The following KCNB2 variants were observed in gnomAD, a reference collection of about 807,000 sequenced individuals.
KCNB2 encodes potassium voltage-gated channel subfamily B member 2.
A neutral mutation model predicts 61.5 loss-of-function variants in KCNB2; 15 were observed. The observed-to-expected ratio is 0.24, with a 90% CI of 0.16 to 0.38. The LOEUF (loss-of-function observed/expected upper bound fraction) is 0.38. Among genes scored for constraint, KCNB2 ranks in the 10% least tolerant of loss-of-function variants. The pLI, the probability that KCNB2 is intolerant of heterozygous loss-of-function variation, is 1.00. For synonymous variants in KCNB2, 457 were observed against 446.0 expected, an observed-to-expected ratio of 1.02 and a Z score of -0.31; for missense variants, 828 against 1,125.2, an observed-to-expected ratio of 0.74 and a Z score of 3.78.
In KCNB2 at chr8:72,837,699, T is replaced by A. The variant is rs554500928; in HGVS notation, c.580-98236T>A. On this transcript the variant is annotated intron_variant, in intron 2 of 2. Transcript: ENST00000523207. Reference sequence around the variant, plus strand: ...AATATTGTTGAGCCAATTAATAGCATAGCAAGATCTGTTAATCCCATAATA... The same window carrying A: ...AATATTGTTGAGCCAATTAATAGCAAAGCAAGATCTGTTAATCCCATAATA... 4.6e-5 allele frequency among the ~76,000 whole-genome samples: 7 copies of A among 152,326 alleles called. No homozygotes were observed. In the South Asian group the frequency reaches 1.5e-3, roughly 32 times the overall value.
At chr8:72,868,521 TGAGCCGA>T (rs1184511723) in intron 2 of KCNB2, among the ~76,000 whole-genome samples, 1 of 151,536 alleles carries the variant, frequency 6.6e-6, no homozygotes, top group Admixed American at 6.6e-5. Flanking sequence ...GAGGTTGCAG[TGAGCCGA>T]GATAATGCCA....
At chr8:72,738,122 G>C (rs1010947974) in intron 2 of KCNB2, among the ~76,000 whole-genome samples, 1 of 152,078 alleles carries the variant, frequency 6.6e-6, no homozygotes, top group East Asian at 1.9e-4. Context: ...CTGAGAGATG[G>C]GGTTTGGGTA....
At chr8:72,604,938 A>G (rs982212595) in intron 2 of KCNB2, among the ~76,000 whole-genome samples, 6 of 152,196 alleles carry the variant, frequency 3.9e-5, no homozygotes, top group African/African-American at 1.2e-4. Context: ...CAAGCTTTCC[A>G]TGACTGCATC....
chr8:72,574,620 A>C (rs182173801), intron 2 of KCNB2, among the ~76,000 whole-genome samples: 1 of 152,224 alleles, frequency 6.6e-6, no homozygotes, highest in Non-Finnish European at 1.5e-5. Flanking sequence ...AAAAATCATT[A>C]GTTTTCATTA....
At chr8:72,848,074 G>A (rs56286143) in intron 2 of KCNB2, among the ~76,000 whole-genome samples, 34,266 of 152,110 alleles carry the variant, frequency 0.23, 4,241 homozygotes, top group Non-Finnish European at 0.28. Flanking sequence ...GCATTGCATT[G>A]TTTCTGGCAT....
chr8:72,552,023 G>T (rs745614170), intron 1 of KCNB2, among the ~76,000 whole-genome samples: 15 of 152,124 alleles, frequency 9.9e-5, no homozygotes, highest in Non-Finnish European at 2.1e-4. Flanking sequence ...TCTGCCTGAT[G>T]ATGAAGCGCC....
intron 2 of KCNB2, among the ~76,000 whole-genome samples, chr8:72,755,175 C>T (rs1222895824): frequency 6.6e-6 from 1 of 152,094 alleles, no homozygotes; most frequent in Non-Finnish European, 1.5e-5. Flanking sequence ...AAAATTATTA[C>T]AGTCATCAAA....
intron 2 of KCNB2, among the ~76,000 whole-genome samples, chr8:72,803,801 A>G (rs2128999918): frequency 6.6e-6 from 1 of 152,322 alleles, no homozygotes; most frequent in South Asian, 2.1e-4. Context: ...GAGGGTTACA[A>G]ACTGTGCTTC....
At chr8:72,769,266 T>C (rs890405805) in intron 2 of KCNB2, among the ~76,000 whole-genome samples, 1 of 152,080 alleles carries the variant, frequency 6.6e-6, no homozygotes, top group African/African-American at 2.4e-5. Flanking sequence ...GGTGGATATG[T>C]ATGCTGGACA....
At position 72,636,355 on chromosome 8, in the gene KCNB2, G is replaced by C. The variant is rs567179140; in HGVS notation, c.579+68042G>C. On this transcript the variant is annotated intron_variant, in intron 2 of 2. Transcript: ENST00000523207. Reference sequence around the variant, plus strand: ...CTAAAAGGTATTAAATTAACTGATAGCAAGCAAACTAGATTTTTATGTAAA... The same window carrying C: ...CTAAAAGGTATTAAATTAACTGATACCAAGCAAACTAGATTTTTATGTAAA... Among the ~76,000 whole-genome samples the C allele has an allele frequency of 3.9e-5, 6 of 152,212 alleles. No individual in the cohort carries two copies. The South Asian group carries it at 8.3e-4, about 21-fold the overall frequency.
intron 2 of KCNB2, among the ~76,000 whole-genome samples, chr8:72,827,738 G>T (rs1183980386): frequency 6.6e-6 from 1 of 151,466 alleles, no homozygotes. Flanking sequence ...CAATCATATA[G>T]AAAAAGAGAA....
chr8:72,838,763 TAAAG>T (rs1809827597), intron 2 of KCNB2, among the ~76,000 whole-genome samples: 1 of 151,848 alleles, frequency 6.6e-6, no homozygotes, highest in South Asian at 2.1e-4. Flanking sequence ...ACATGTAAAA[TAAAG>T]AAAATTTTAT....
intron 2 of KCNB2, among the ~76,000 whole-genome samples, chr8:72,892,816 A>G (rs1805920857): frequency 6.6e-6 from 1 of 152,140 alleles, no homozygotes; most frequent in African/African-American, 2.4e-5. Flanking sequence ...ACCATCCTAT[A>G]GCTCTGGACA....
intron 1 of KCNB2, among the ~76,000 whole-genome samples, chr8:72,550,780 G>C (rs1806334498): frequency 6.6e-6 from 1 of 152,178 alleles, no homozygotes; most frequent in Non-Finnish European, 1.5e-5. Flanking sequence ...GGAGAGAATA[G>C]AGCAAATGAC....
chr8:72,868,011 G>A (rs1482339115), intron 2 of KCNB2, among the ~76,000 whole-genome samples: 3 of 151,084 alleles, frequency 2.0e-5, no homozygotes, highest in Admixed American at 2.0e-4. Flanking sequence ...TCATTTCATT[G>A]GCCAATGAAA....
At chr8:72,780,247 G>A (rs1013677326) in intron 2 of KCNB2, among the ~76,000 whole-genome samples, 2 of 152,050 alleles carry the variant, frequency 1.3e-5, no homozygotes, top group Admixed American at 1.3e-4. Context: ...AACAAATGAA[G>A]ACCAAGATAT....
chr8:72,793,952 A>G (rs1171793256), intron 2 of KCNB2, among the ~76,000 whole-genome samples: 9 of 152,220 alleles, frequency 5.9e-5, no homozygotes, highest in African/African-American at 2.2e-4. Flanking sequence ...CCACTTAAGT[A>G]AGCCTTTGAA....
At chr8:72,679,558 T>C (rs1017294653) in intron 2 of KCNB2, among the ~76,000 whole-genome samples, 19 of 152,220 alleles carry the variant, frequency 1.2e-4, no homozygotes, top group African/African-American at 4.3e-4. Flanking sequence ...TTCAAAAGTG[T>C]TTTATTATTA....
At position 72,937,488 on chromosome 8, in the gene KCNB2, G is replaced by A. The variant is rs756408467; in HGVS notation, c.2133G>A (p.Lys711=). 7 of 1,613,794 alleles carry A rather than the reference G, an allele frequency of 4.3e-6. No homozygotes were observed. Among genetic ancestry groups the A allele is most frequent in the Non-Finnish European group, 5.9e-6 (7 of 1,179,982 alleles). ...CTCTAAAAGGCAGCAACCCACTAAAGTCCAGATCCCTCAAAGTGAACTTTA... is the reference window on the plus strand; with the variant it reads ...CTCTAAAAGGCAGCAACCCACTAAAATCCAGATCCCTCAAAGTGAACTTTA... ...KSSLKGSNPL[K]SRSLKVNFKE... is the part of the protein sequence containing the mutation. Residue 711 remains lysine, a synonymous_variant, in exon 3 of 3, where the codon AAG becomes AAA. Coordinates refer to ENST00000523207, the MANE Select transcript of KCNB2 (RefSeq NM_004770.3).
Sources: gnomAD v4.1 joint callset for allele counts (sites outside exome capture counted in the v4.1 genomes callset) on GRCh38, gnomAD v4.1.1 for gene constraint, MANE v1.5 for transcripts, NCBI Gene and HGNC (gene_info 2026-07-23, HGNC 2026-07-21) for gene names.